The following SEMA3A variants were observed in gnomAD, a reference collection of about 807,000 sequenced individuals.
The protein encoded by SEMA3A is semaphorin-3A.
Under a neutral mutation model 97.9 loss-of-function variants are expected in SEMA3A, and 29 were observed. The observed-to-expected ratio is 0.30, with a 90% CI of 0.22 to 0.40. The LOEUF is 0.40. Among genes scored for constraint, SEMA3A ranks in the 10% least tolerant of loss-of-function variants. The pLI is 1.00. For synonymous variants in SEMA3A, 321 were observed against 323.7 expected (o/e 0.99, Z 0.09); for missense variants, 763 against 951.3 (o/e 0.80, Z 2.60).
chr7:84,404,286 G>C (rs903591808), intron 1 of SEMA3A, among the ~76,000 whole-genome samples: 2 of 152,160 alleles, frequency 1.3e-5, no homozygotes, highest in African/African-American at 4.8e-5. Context: ...CTGGAAGAAA[G>C]GGTATCAGCG....
At chr7:84,443,538 G>C (rs1254745194) in intron 1 of SEMA3A, among the ~76,000 whole-genome samples, 2 of 152,078 alleles carry the variant, frequency 1.3e-5, no homozygotes, top group African/African-American at 4.8e-5. Flanking sequence ...GTCAGAAGGA[G>C]CAAATCAAGA....
chr7:84,023,621 C>A (rs912780078), intron 6 of SEMA3A, among the ~76,000 whole-genome samples: 2 of 152,110 alleles, frequency 1.3e-5, no homozygotes, highest in East Asian at 1.9e-4. Context: ...GCAGGGAAGG[C>A]GGAACATATA....
At chr7:84,325,198 G>A (rs1028112431) in intron 2 of SEMA3A, among the ~76,000 whole-genome samples, 16 of 151,828 alleles carry the variant, frequency 1.1e-4, no homozygotes, top group African/African-American at 3.6e-4. Flanking sequence ...GTCAAGTATG[G>A]AGCAGAGTTC....
At chr7:84,329,768 CA>C (rs1009421598) in intron 2 of SEMA3A, among the ~76,000 whole-genome samples, 3 of 151,896 alleles carry the variant, frequency 2.0e-5, no homozygotes, top group African/African-American at 7.3e-5. Flanking sequence ...ACATTTAGTG[CA>C]AAATAAGAGG....
At chr7:84,452,251 T>C (rs972328828) in intron 1 of SEMA3A, among the ~76,000 whole-genome samples, 1 of 152,012 alleles carries the variant, frequency 6.6e-6, no homozygotes, top group African/African-American at 2.4e-5. Context: ...TTTAAGGCAA[T>C]ATATTTTTTA....
chr7:84,350,122 A>G (rs559192430), intron 2 of SEMA3A, among the ~76,000 whole-genome samples: 2 of 152,262 alleles, frequency 1.3e-5, no homozygotes, highest in African/African-American at 4.8e-5. Context: ...TTTATTCTTT[A>G]TGTTCCACAT....
At chr7:84,346,866 T>A (rs1367935959) in intron 2 of SEMA3A, among the ~76,000 whole-genome samples, 1 of 152,164 alleles carries the variant, frequency 6.6e-6, no homozygotes, top group African/African-American at 2.4e-5. Context: ...AACCGCTGGT[T>A]TGTAGAAAAG....
chr7:84,388,393 T>C (rs1037748212), intron 1 of SEMA3A, among the ~76,000 whole-genome samples: 2 of 152,088 alleles, frequency 1.3e-5, no homozygotes, highest in African/African-American at 2.4e-5. Context: ...TAATTCCTCC[T>C]GAATGCATAC....
chr7:84,114,973 C>T (rs1795381962), intron 3 of SEMA3A, among the ~76,000 whole-genome samples: 1 of 152,042 alleles, frequency 6.6e-6, no homozygotes, highest in African/African-American at 2.4e-5. Context: ...TTTTAACACT[C>T]ATCTTTTTAA....
chr7:84,319,135 T>C (rs73386923), intron 2 of SEMA3A, among the ~76,000 whole-genome samples: 3,894 of 152,110 alleles, frequency 0.026, 171 homozygotes, highest in African/African-American at 0.089. Flanking sequence ...GGTAAGAAAA[T>C]GGAGGGAGAG....
intron 1 of SEMA3A, among the ~76,000 whole-genome samples, chr7:84,429,516 T>TTATATTTATATATATATATATA (rs1804913947): frequency 1.4e-5 from 1 of 72,420 alleles, no homozygotes. Flanking sequence ...ATAGAGTTTG[T>TTATATTTATATATATATATATA]TATATATATA....
rs150777089 is a variant in SEMA3A at position 84,161,791 on chromosome 7, G to T, written c.113-26840C>A. ...AAAAGCAAATATATGCTCAAAATGT[G>T]AGAGGCTGACTGTAAGAAGAGATGA... On this transcript the variant is annotated intron_variant, in intron 1 of 16. Coordinates refer to ENST00000265362, the MANE Select transcript of SEMA3A (RefSeq NM_006080.3). Among the ~76,000 whole-genome samples, 177 of 152,246 alleles carry T rather than the reference G, an allele frequency of 1.2e-3. 1 individual carries two copies. In the East Asian group the frequency reaches 0.013, roughly 11 times the overall value.
At chr7:84,118,634 G>C (rs1795506073) in intron 3 of SEMA3A, among the ~76,000 whole-genome samples, 1 of 152,152 alleles carries the variant, frequency 6.6e-6, no homozygotes, top group African/African-American at 2.4e-5. Flanking sequence ...AAAGACATCA[G>C]TTTCTTCTTT....
rs1250162480 is a variant in SEMA3A at position 84,060,379 on chromosome 7, G to A, written c.547+86C>T. Reference sequence around the variant, plus strand: ...TCTAAAACAATTATTATTTCATAATGGAAAATCTTGGTAGATAAAAAAGAA... The same window carrying A: ...TCTAAAACAATTATTATTTCATAATAGAAAATCTTGGTAGATAAAAAAGAA... On this transcript the variant is annotated intron_variant, in intron 5 of 16. Transcript: ENST00000265362. The A allele has an allele frequency of 2.6e-5, 21 of 806,920 alleles. 1 individual carries two copies. In the East Asian group the frequency reaches 5.7e-4, roughly 22 times the overall value. The allele number at this position is 806,920 out of a possible 1,614,324, so 50.0% of individuals were successfully genotyped here.
Position 84,267,298 on chromosome 7 carries a change from G to A in SEMA3A, c.-83+39909C>T, listed in dbSNP as rs114556470. On this transcript the variant is annotated intron_variant, in intron 3 of 3. Coordinates refer to the SEMA3A transcript ENST00000424555. ...TCAACCTGAATTACCAAAATAATAT[G>A]TTTTCATGACTCTCTTACCCTTATC... Among the ~76,000 whole-genome samples, 577 of 152,170 alleles carry A rather than the reference G, an allele frequency of 3.8e-3. 4 individuals carry two copies. The highest frequency in any genetic ancestry group is 0.013 in the African/African-American group (535 of 41,536).
chr7:84,225,560 A>C (rs571384757), intron 3 of SEMA3A, among the ~76,000 whole-genome samples: 39 of 152,204 alleles, frequency 2.6e-4, no homozygotes, highest in Non-Finnish European at 5.1e-4. Flanking sequence ...GCCCTCTTTG[A>C]AAAGTGAGGA....
At chr7:84,145,873 C>A (rs149447463) in intron 1 of SEMA3A, among the ~76,000 whole-genome samples, 1 of 152,098 alleles carries the variant, frequency 6.6e-6, no homozygotes, top group Non-Finnish European at 1.5e-5. Flanking sequence ...CTACACCCAC[C>A]ACCTTTACCT....
chr7:84,218,401 A>G (rs1208744906), intron 3 of SEMA3A, among the ~76,000 whole-genome samples: 1 of 152,166 alleles, frequency 6.6e-6, no homozygotes, highest in South Asian at 2.1e-4. Context: ...CCCATGAATT[A>G]CATGATCTTA....
At chr7:84,024,112 ACT>A (rs1791451065) in intron 6 of SEMA3A, among the ~76,000 whole-genome samples, 1 of 152,112 alleles carries the variant, frequency 6.6e-6, no homozygotes, top group African/African-American at 2.4e-5. Context: ...ATGAAGGAAA[ACT>A]CTTTCAGAAA....
Sources: gnomAD v4.1 joint callset for allele counts (sites outside exome capture counted in the v4.1 genomes callset) on GRCh38, gnomAD v4.1.1 for gene constraint, MANE v1.5 for transcripts, NCBI Gene and HGNC (gene_info 2026-07-23, HGNC 2026-07-21) for gene names.